Variants in RB1 observed in about 807,000 individuals in gnomAD.
The protein encoded by RB1 is retinoblastoma-associated protein.
In RB1, 18 loss-of-function variants were observed where a neutral mutation model predicts 135.4. The ratio of observed to expected loss-of-function variants is 0.13; its 90% CI spans 0.09 to 0.20. The LOEUF is 0.20. Ranked by LOEUF, RB1 falls within the 10% of genes least tolerant of loss-of-function variation. The pLI is 1.00. For synonymous variants in RB1, 365 were observed against 373.2 expected (o/e 0.98, Z 0.25); for missense variants, 868 against 1,110.0 (o/e 0.78, Z 3.10).
intron 17 of RB1, among the ~76,000 whole-genome samples, chr13:48,420,623 T>C (rs1015669486): frequency 3.3e-5 from 5 of 152,330 alleles, no homozygotes; most frequent in African/African-American, 1.2e-4. Flanking sequence ...ACAATGATTG[T>C]CTATTTAGAA....
chr13:48,308,561 G>A (rs186260402), intron 2 of RB1, among the ~76,000 whole-genome samples: 67 of 151,652 alleles, frequency 4.4e-4, no homozygotes, highest in Non-Finnish European at 8.1e-4. Context: ...GGTGAGGCAG[G>A]AGAATTGCTT....
chr13:48,426,658 A>G (rs1178742573), intron 17 of RB1: 1 of 152,224 alleles, frequency 6.6e-6, no homozygotes, highest in Non-Finnish European at 1.5e-5. Context: ...AACTTAGGAA[A>G]CTAAAACCAT....
In RB1 at chr13:48,345,262, T is replaced by C. The variant is rs1952482594; in HGVS notation, c.500+63T>C. ...TTTATGTCATTGTTCACAATTAGAT[T>C]CTGGGAATTATTTAACACATTTAGT... is the stretch of plus-strand genomic sequence containing the variant. On this transcript the variant is annotated intron_variant, in intron 4 of 26. Transcript: ENST00000267163. 4 of 1,544,162 alleles carry C rather than the reference T, an allele frequency of 2.6e-6. No homozygotes were observed. The South Asian group carries it at 4.5e-5, about 17-fold the overall frequency.
At chr13:48,363,371 C>T (rs375859352) in intron 8 of RB1, among the ~76,000 whole-genome samples, 21 of 151,882 alleles carry the variant, frequency 1.4e-4, no homozygotes, top group East Asian at 9.7e-4. Context: ...AACAACATAG[C>T]GAGACTCTGT....
rs561142786 is a variant in RB1, at chr13:48,412,700, C to A, written c.1695+31257C>A. ...CAAGGCTCAGTTAACTGACGAGCAA[C>A]CTTTAAAAAATACAGTCAACGAGTC... On this transcript the variant is annotated intron_variant, in intron 17 of 26. Transcript: ENST00000267163. The A allele has an allele frequency of 8.3e-6, 4 of 481,048 alleles. No homozygotes were observed. In the South Asian group the frequency reaches 8.9e-5, roughly 11 times the overall value. 29.8% of individuals were successfully genotyped at this position (481,048 alleles called of 1,614,324 possible).
At chr13:48,390,625 G>A (rs1470815664) in intron 17 of RB1, among the ~76,000 whole-genome samples, 6 of 152,092 alleles carry the variant, frequency 3.9e-5, no homozygotes, top group Non-Finnish European at 5.9e-5. Flanking sequence ...CTAATCTAAT[G>A]TCTAACATAT....
intron 23 of RB1, among the ~76,000 whole-genome samples, chr13:48,471,718 T>A (rs1373199841): frequency 6.6e-6 from 1 of 152,226 alleles, no homozygotes; most frequent in East Asian, 1.9e-4. Context: ...ATTTTTTAAA[T>A]AGCCAATCTG....
intron 6 of RB1, among the ~76,000 whole-genome samples, chr13:48,358,616 T>C (rs569753320): frequency 1.3e-5 from 2 of 152,236 alleles, no homozygotes; most frequent in East Asian, 3.9e-4. Context: ...GGGATTCAAA[T>C]TGTCCCCAGT....
chr13:48,358,069 A>G (rs980156150), intron 6 of RB1, among the ~76,000 whole-genome samples: 5 of 152,104 alleles, frequency 3.3e-5, no homozygotes, highest in African/African-American at 1.2e-4. Flanking sequence ...ATCCACCAAG[A>G]TTGTGGCATT....
At chr13:48,460,114 C>T (rs113558091) in intron 20 of RB1, among the ~76,000 whole-genome samples, 9 of 151,244 alleles carry the variant, frequency 6.0e-5, no homozygotes, top group African/African-American at 1.7e-4. Flanking sequence ...GGATTACAGG[C>T]GTGTACCACC....
intron 17 of RB1, among the ~76,000 whole-genome samples, chr13:48,410,554 T>G (rs1011752108): frequency 2.0e-5 from 3 of 152,222 alleles, no homozygotes; most frequent in African/African-American, 7.2e-5. Context: ...CCTAACATAC[T>G]TAAAACATAA....
At chr13:48,372,526 C>G (rs1952769904) in intron 11 of RB1, among the ~76,000 whole-genome samples, 1 of 151,992 alleles carries the variant, frequency 6.6e-6, no homozygotes, top group Non-Finnish European at 1.5e-5. Context: ...AGCTGGGCAC[C>G]TGTAATCCCA....
In RB1 at chr13:48,336,315, T is replaced by C. The variant is rs150460674; in HGVS notation, c.265-6284T>C. Among the ~76,000 whole-genome samples, 845 of 152,348 alleles carry C rather than the reference T, an allele frequency of 5.5e-3. 5 individuals carry two copies. The highest frequency in any genetic ancestry group is 0.01 in the Middle Eastern group (3 of 294). ...ATTCGGCTGTGAATTCATCTGCTCC[T>C]GGACTTCTTTTGGTTGGTAGGATAT... is the stretch of plus-strand genomic sequence containing the variant. On this transcript the variant is annotated intron_variant, in intron 2 of 26. Transcript: ENST00000267163.
chr13:48,368,950 G>T (rs1952731786), intron 11 of RB1, among the ~76,000 whole-genome samples: 1 of 152,092 alleles, frequency 6.6e-6, no homozygotes, highest in African/African-American at 2.4e-5. Context: ...AGGTTGCAGA[G>T]AGCTGAGATC....
intron 17 of RB1, among the ~76,000 whole-genome samples, chr13:48,452,220 G>A (rs1406696583): frequency 1.3e-5 from 2 of 151,880 alleles, no homozygotes; most frequent in Admixed American, 6.6e-5. Flanking sequence ...AATGAGATGA[G>A]GAATGTTTCT....
chr13:48,464,982 T>C lies in RB1; in HGVS notation c.2212-16T>C. 1 of 1,345,334 alleles carries C rather than the reference T, an allele frequency of 7.4e-7. No homozygotes were observed. Among genetic ancestry groups the C allele is most frequent in the Non-Finnish European group, 1.0e-6 (1 of 997,806 alleles). 83.3% of individuals were successfully genotyped at this position (1,345,334 alleles called of 1,614,324 possible). ...ACTTTTTTTTTTTTTTTTTTTTTTT[T>C]ACTGTTCTTCCTCAGACATTCAAAC... On this transcript the variant is annotated splice_polypyrimidine_tract_variant and intron_variant, in intron 21 of 26. Transcript: ENST00000267163.
intron 2 of RB1, among the ~76,000 whole-genome samples, chr13:48,332,838 G>GTA (rs1455644315): frequency 5.3e-5 from 8 of 152,088 alleles, no homozygotes; most frequent in Non-Finnish European, 7.4e-5. Context: ...TCCACAGATA[G>GTA]TACTTAACCC....
chr13:48,347,556 T>C (rs940251460), intron 4 of RB1, among the ~76,000 whole-genome samples: 3 of 152,134 alleles, frequency 2.0e-5, no homozygotes, highest in African/African-American at 7.2e-5. Context: ...TAAACTTTAC[T>C]AACCTTAGGT....
At chr13:48,415,288 T>C (rs2138216658) in intron 17 of RB1, among the ~76,000 whole-genome samples, 1 of 152,050 alleles carries the variant, frequency 6.6e-6, no homozygotes, top group South Asian at 2.1e-4. Flanking sequence ...TTTTTCTTTT[T>C]CTTTCTTTCT....
Sources: gnomAD v4.1 joint callset for allele counts (sites outside exome capture counted in the v4.1 genomes callset) on GRCh38, gnomAD v4.1.1 for gene constraint, MANE v1.5 for transcripts, NCBI Gene and HGNC (gene_info 2026-07-23, HGNC 2026-07-21) for gene names.